Variants in CDC42SE2 observed in about 807,000 individuals in gnomAD.
CDC42SE2 encodes CDC42 small effector protein 2.
In CDC42SE2, 3 loss-of-function variants were observed where a neutral mutation model predicts 11.5. The ratio of observed to expected loss-of-function variants is 0.26; its 90% CI spans 0.12 to 0.67. CDC42SE2 has a LOEUF of 0.67. Ranked by LOEUF, CDC42SE2 falls within the 30% of genes least tolerant of loss-of-function variation. The pLI, the probability that CDC42SE2 is intolerant of heterozygous loss-of-function variation, is 0.80. For synonymous variants in CDC42SE2, 33 were observed against 34.8 expected (o/e 0.95, Z 0.18); for missense variants, 82 against 106.8 (o/e 0.77, Z 1.02).
At chr5:131,307,039 C>A (rs1396484143) in intron 1 of CDC42SE2, among the ~76,000 whole-genome samples, 1 of 151,662 alleles carries the variant, frequency 6.6e-6, no homozygotes, top group African/African-American at 2.4e-5. Flanking sequence ...CAAACAGATA[C>A]AATTTCTCTT....
chr5:131,342,657 G>A (rs1217408918), intron 2 of CDC42SE2, among the ~76,000 whole-genome samples: 1 of 151,114 alleles, frequency 6.6e-6, no homozygotes, highest in East Asian at 2.0e-4. Context: ...CAAAGTGCTG[G>A]GATTGCAGGT....
intron 4 of CDC42SE2, among the ~76,000 whole-genome samples, chr5:131,388,550 C>A (rs1009827195): frequency 8.5e-5 from 13 of 152,062 alleles, no homozygotes; most frequent in African/African-American, 2.7e-4. Flanking sequence ...ATATATTATT[C>A]TTCTACCTTT....
intron 1 of CDC42SE2, among the ~76,000 whole-genome samples, chr5:131,287,252 C>A (rs1757360357): frequency 6.6e-6 from 1 of 152,160 alleles, no homozygotes; most frequent in Non-Finnish European, 1.5e-5. Flanking sequence ...GCCTTGGCCT[C>A]CCAAAGTGCT....
chr5:131,268,844 G>A (rs1756930344), intron 1 of CDC42SE2, among the ~76,000 whole-genome samples: 1 of 140,814 alleles, frequency 7.1e-6, no homozygotes, highest in South Asian at 2.2e-4. Flanking sequence ...TCTGCCTCCT[G>A]AGTTCAAGCA....
intron 1 of CDC42SE2, among the ~76,000 whole-genome samples, chr5:131,271,116 T>C (rs1347266806): frequency 6.6e-6 from 1 of 152,224 alleles, no homozygotes; most frequent in Non-Finnish European, 1.5e-5. Flanking sequence ...TGTGATACAG[T>C]TCTCCAGCTC....
chr5:131,312,499 C>T lies in CDC42SE2; in HGVS notation c.-454-3477C>T, dbSNP rs187173609. 4.1e-3 allele frequency among the ~76,000 whole-genome samples: 629 copies of T among 152,288 alleles called. 4 individuals carry two copies. Among genetic ancestry groups the T allele is most frequent in the African/African-American group, 0.013 (545 of 41,570 alleles). On this transcript the variant is annotated intron_variant, in intron 1 of 4. Coordinates refer to ENST00000505065, the MANE Select transcript of CDC42SE2 (RefSeq NM_001375635.1). The stretch of plus-strand genomic sequence containing the variant: ...TGAGCTTCCAGGCTGCTTTGTTTAC[C>T]TAAGCAAGCCTGGGCAATGGTGGGT...
the CDC42SE2 span, among the ~76,000 whole-genome samples, chr5:131,228,266 C>T: frequency 1.3e-5 from 2 of 151,954 alleles, no homozygotes; most frequent in Non-Finnish European, 2.9e-5. Context: ...ACTCAGGAGG[C>T]TGTGGTAGGA....
intron 1 of CDC42SE2, among the ~76,000 whole-genome samples, chr5:131,278,516 T>C (rs1281198303): frequency 6.8e-6 from 1 of 147,976 alleles, no homozygotes; most frequent in Non-Finnish European, 1.5e-5. Context: ...ATGTGTGACA[T>C]CATGTTAGTA....
chr5:131,319,728 G>A (rs1758121218), intron 2 of CDC42SE2, among the ~76,000 whole-genome samples: 1 of 152,114 alleles, frequency 6.6e-6, no homozygotes, highest in Non-Finnish European at 1.5e-5. Flanking sequence ...AAAAAAATAA[G>A]GAAGATTATC....
intron 2 of CDC42SE2, among the ~76,000 whole-genome samples, chr5:131,322,893 C>T (rs187390501): frequency 2.0e-5 from 3 of 152,300 alleles, no homozygotes; most frequent in Non-Finnish European, 4.4e-5. Context: ...CACCATTTTA[C>T]GGTATCACCA....
At chr5:131,367,232 A>G (rs1749887938) in intron 3 of CDC42SE2, among the ~76,000 whole-genome samples, 1 of 151,912 alleles carries the variant, frequency 6.6e-6, no homozygotes, top group Non-Finnish European at 1.5e-5. Context: ...CCTACCCAAT[A>G]CAGATGATCT....
intron 3 of CDC42SE2, among the ~76,000 whole-genome samples, chr5:131,375,031 CTT>C (rs371146670): frequency 3.0e-3 from 413 of 138,546 alleles, no homozygotes; most frequent in Admixed American, 3.8e-3. Context: ...TTCTCCCCTC[CTT>C]TTTTTTTTTT....
chr5:131,216,871 G>A, the CDC42SE2 span, among the ~76,000 whole-genome samples: 1 of 152,072 alleles, frequency 6.6e-6, no homozygotes, highest in Non-Finnish European at 1.5e-5. Context: ...CTCACCACAC[G>A]ACTACCTGAG....
At position 131,282,212 on chromosome 5, in the gene CDC42SE2, G is replaced by C. The variant is rs1757249704; in HGVS notation, c.-455+18046G>C. The stretch of plus-strand genomic sequence containing the variant: ...TAATTATTGCTGACCAAAATTGTAA[G>C]AAAGTCCATTTCTACATTTCCTGAG... On this transcript the variant is annotated intron_variant, in intron 1 of 4. Coordinates refer to ENST00000505065, the MANE Select transcript of CDC42SE2 (RefSeq NM_001375635.1). Among the ~76,000 whole-genome samples the C allele has an allele frequency of 6.6e-5, 10 of 152,294 alleles. 1 individual carries two copies. The South Asian group carries it at 1.9e-3, about 28-fold the overall frequency.
At chr5:131,252,444 A>G (rs1756647880) in intron 1 of CDC42SE2, among the ~76,000 whole-genome samples, 1 of 152,198 alleles carries the variant, frequency 6.6e-6, no homozygotes, top group Admixed American at 6.5e-5. Flanking sequence ...GCCTGAGGTC[A>G]GGAGTTCAAG....
chr5:131,324,195 C>T lies in CDC42SE2; in HGVS notation c.-286+8051C>T, dbSNP rs116754136. The stretch of plus-strand genomic sequence containing the variant: ...TAAAATCACATCACTGTATGAATAT[C>T]CAGCTGTAGCCTGTGACTACATTAT... On this transcript the variant is annotated intron_variant, in intron 2 of 4. Coordinates refer to ENST00000505065, the MANE Select transcript of CDC42SE2 (RefSeq NM_001375635.1). Among the ~76,000 whole-genome samples the T allele has an allele frequency of 5.9e-3, 905 of 152,226 alleles. 6 individuals are homozygous for T. Among genetic ancestry groups the T allele is most frequent in the African/African-American group, 0.021 (867 of 41,518 alleles).
chr5:131,374,166 G>A (rs141734441), intron 3 of CDC42SE2, among the ~76,000 whole-genome samples: 7 of 152,210 alleles, frequency 4.6e-5, no homozygotes, highest in African/African-American at 1.7e-4. Context: ...GAATGAAAAA[G>A]AACCCATACT....
chr5:131,365,141 A>G (rs1470814344), intron 3 of CDC42SE2, among the ~76,000 whole-genome samples: 2 of 151,936 alleles, frequency 1.3e-5, no homozygotes, highest in East Asian at 3.9e-4. Context: ...AATACAAAAA[A>G]TAGCTGGGCG....
chr5:131,287,538 C>T (rs1166266128), intron 1 of CDC42SE2, among the ~76,000 whole-genome samples: 1 of 151,748 alleles, frequency 6.6e-6, no homozygotes, highest in Non-Finnish European at 1.5e-5. Context: ...TCATGTCTCA[C>T]TGCAGCCTCA....
Sources: gnomAD v4.1 joint callset for allele counts (sites outside exome capture counted in the v4.1 genomes callset) on GRCh38, gnomAD v4.1.1 for gene constraint, MANE v1.5 for transcripts, NCBI Gene and HGNC (gene_info 2026-07-23, HGNC 2026-07-21) for gene names.